Variants in DPP6 observed in about 807,000 individuals in gnomAD.
DPP6 encodes A-type potassium channel modulatory protein DPP6.
DPP6 carries 69 observed loss-of-function variants against 122.6 expected under a neutral mutation model. The observed-to-expected ratio is 0.56, with a 90% CI of 0.46 to 0.69. The LOEUF is 0.69. Among genes scored for constraint, DPP6 ranks in the 30% least tolerant of loss-of-function variants. The pLI, the probability that DPP6 is intolerant of heterozygous loss-of-function variation, is 0.00. For synonymous variants in DPP6, 418 were observed against 433.1 expected (o/e 0.97, Z 0.43); for missense variants, 928 against 1,116.9 (o/e 0.83, Z 2.41).
At chr7:154,072,254 A>AT (rs1803171884) in intron 1 of DPP6, among the ~76,000 whole-genome samples, 1 of 152,224 alleles carries the variant, frequency 6.6e-6, no homozygotes, top group Non-Finnish European at 1.5e-5. Context: ...TTATTTCAGG[A>AT]TTTTCATGAG....
intron 4 of DPP6, among the ~76,000 whole-genome samples, chr7:154,549,081 T>C (rs1829436627): frequency 6.6e-6 from 1 of 152,162 alleles, no homozygotes; most frequent in African/African-American, 2.4e-5. Flanking sequence ...AAGCTTCCAT[T>C]GTGTGTAGTC....
At chr7:154,854,913 A>G (rs1254008558) in intron 17 of DPP6, among the ~76,000 whole-genome samples, 2 of 151,488 alleles carry the variant, frequency 1.3e-5, no homozygotes, top group African/African-American at 2.4e-5. Context: ...AATCCTTCCC[A>G]CTCCCTTCCA....
chr7:153,851,022 C>A, the DPP6 span, among the ~76,000 whole-genome samples: 7 of 152,164 alleles, frequency 4.6e-5, no homozygotes, highest in African/African-American at 1.7e-4. Flanking sequence ...CTGTCACATT[C>A]TTTAATGGTT....
intron 1 of DPP6, among the ~76,000 whole-genome samples, chr7:154,265,741 T>A (rs73165294): frequency 0.032 from 4,826 of 152,278 alleles, 104 homozygotes; most frequent in Non-Finnish European, 0.053. Context: ...TTTATTATAT[T>A]GTAGTATATT....
At chr7:154,101,041 G>A (rs1805691519) in intron 1 of DPP6, among the ~76,000 whole-genome samples, 1 of 126,678 alleles carries the variant, frequency 7.9e-6, no homozygotes, top group Non-Finnish European at 1.8e-5. Flanking sequence ...TTACCTCTTC[G>A]GCCTTTCCAC....
At chr7:153,888,103 A>G (rs1351131904) in intron 1 of DPP6, among the ~76,000 whole-genome samples, 2 of 151,970 alleles carry the variant, frequency 1.3e-5, no homozygotes, top group Non-Finnish European at 2.9e-5. Flanking sequence ...AGAGGTGGTC[A>G]CTTCGGCCAG....
intron 1 of DPP6, among the ~76,000 whole-genome samples, chr7:154,335,306 A>G (rs7796167): frequency 0.24 from 36,283 of 151,762 alleles, 6,072 homozygotes; most frequent in African/African-American, 0.47. Flanking sequence ...TATTTCTTAA[A>G]AAACAAAACA....
At chr7:153,987,221 G>A (rs1156550541) in intron 1 of DPP6, among the ~76,000 whole-genome samples, 7 of 152,304 alleles carry the variant, frequency 4.6e-5, no homozygotes, top group South Asian at 4.1e-4. Flanking sequence ...GAAGTAGATT[G>A]CAATATAAAT....
intron 2 of DPP6, 145 bp from the exon 3 acceptor site, chr7:154,474,794 A>C: frequency 3.3e-6 from 2 of 605,324 alleles, no homozygotes; most frequent in Non-Finnish European, 5.7e-6. Context: ...ACAGAATGCA[A>C]GACTGGCTTT....
At chr7:154,298,955 G>A (rs1038086135) in intron 1 of DPP6, among the ~76,000 whole-genome samples, 6 of 152,166 alleles carry the variant, frequency 3.9e-5, no homozygotes, top group Admixed American at 1.3e-4. Context: ...ACACCAACTC[G>A]CCTTGGGTCT....
chr7:154,786,025 C>G (rs890752596), intron 10 of DPP6, among the ~76,000 whole-genome samples: 1 of 152,064 alleles, frequency 6.6e-6, no homozygotes, highest in Non-Finnish European at 1.5e-5. Context: ...TTTTTCCAAC[C>G]TCTACACTAA....
chr7:154,458,448 C>T (rs1820993290), intron 2 of DPP6, among the ~76,000 whole-genome samples: 1 of 152,154 alleles, frequency 6.6e-6, no homozygotes, highest in South Asian at 2.1e-4. Flanking sequence ...TACCCAGTCT[C>T]AGGTATTTCT....
At chr7:154,317,012 G>A (rs973958243) in intron 1 of DPP6, among the ~76,000 whole-genome samples, 3 of 152,162 alleles carry the variant, frequency 2.0e-5, no homozygotes, top group African/African-American at 7.2e-5. Flanking sequence ...GGTAATTACA[G>A]TATCCCAAGG....
intron 1 of DPP6, among the ~76,000 whole-genome samples, chr7:154,060,461 C>A (rs1395718728): frequency 1.4e-5 from 2 of 141,154 alleles, no homozygotes; most frequent in African/African-American, 5.7e-5. Flanking sequence ...CCCTCTTCCC[C>A]CTCTGGCTTA....
chr7:154,876,244 A>G (rs1019075847), intron 20 of DPP6, 144 bp downstream of exon 20: 4 of 1,292,432 alleles, frequency 3.1e-6, no homozygotes, highest in East Asian at 5.8e-5. Context: ...TCTCTTGGCC[A>G]TTCCAAAGAA....
intron 1 of DPP6, among the ~76,000 whole-genome samples, chr7:153,898,523 GT>G (rs1261172329): frequency 6.6e-6 from 1 of 152,150 alleles, no homozygotes; most frequent in Non-Finnish European, 1.5e-5. Context: ...ACTGTTTGAG[GT>G]GATGAATATC....
intron 5 of DPP6, among the ~76,000 whole-genome samples, chr7:154,617,802 G>A (rs1466720108): frequency 6.6e-6 from 1 of 152,126 alleles, no homozygotes; most frequent in South Asian, 2.1e-4. Context: ...TAGAGTCCAG[G>A]CCAATGGAAA....
rs1203877584 is a variant in DPP6 at position 153,920,501 on chromosome 7, C to T, written c.51+32767C>T. 2.0e-5 allele frequency among the ~76,000 whole-genome samples: 3 copies of T among 151,622 alleles called. No individual in the cohort carries two copies. In the East Asian group the frequency reaches 5.8e-4, roughly 29 times the overall value. On this transcript the variant is annotated intron_variant, in intron 1 of 25. Transcript: ENST00000404039. ...GTTCCAGAATGGGTTGTAGAACTCCCAGCTGGTGGACCCTTCACTTACTTC... is the reference window on the plus strand; with the variant it reads ...GTTCCAGAATGGGTTGTAGAACTCCTAGCTGGTGGACCCTTCACTTACTTC...
intron 1 of DPP6, among the ~76,000 whole-genome samples, chr7:154,159,780 C>T (rs1262800761): frequency 6.6e-6 from 1 of 152,252 alleles, no homozygotes; most frequent in East Asian, 1.9e-4. Context: ...CCCAACAGCA[C>T]TATTAGTTGG....
Sources: allele counts gnomAD v4.1 joint callset (sites outside exome capture counted in the v4.1 genomes callset), GRCh38; gene constraint gnomAD v4.1.1; transcripts MANE v1.5; gene names NCBI Gene and HGNC (gene_info 2026-07-23, HGNC 2026-07-21).